The following LUZP2 variants were observed in gnomAD, a reference collection of about 807,000 sequenced individuals.
The protein encoded by LUZP2 is leucine zipper protein 2.
In LUZP2, 52 loss-of-function variants were observed where a neutral mutation model predicts 51.6. The ratio of observed to expected loss-of-function variants is 1.01; its 90% CI spans 0.81 to 1.27. LUZP2 has a LOEUF of 1.27. LUZP2 is among the 50% of genes most tolerant of loss of function. The pLI is 0.00. For synonymous variants in LUZP2, 154 were observed against 137.3 expected (o/e 1.12, Z -0.85); for missense variants, 436 against 395.4 (o/e 1.10, Z -0.87).
In LUZP2 at chr11:25,000,921, G is replaced by A. The variant is rs577628193; in HGVS notation, c.765+17628G>A. ...ACAGTCTGAGAAATCTTTTGAGAGT[G>A]TGTGGTAGTAGGATAATGAAGTAGA... On this transcript the variant is annotated intron_variant, in intron 9 of 11. Coordinates refer to ENST00000336930, the MANE Select transcript of LUZP2 (RefSeq NM_001009909.4). Among the ~76,000 whole-genome samples the A allele has an allele frequency of 8.8e-4, 133 of 151,018 alleles. 2 individuals carry two copies. Among genetic ancestry groups the A allele is most frequent in the African/African-American group, 3.1e-3 (130 of 41,424 alleles).
chr11:25,010,908 A>C (rs1426602196), intron 9 of LUZP2, among the ~76,000 whole-genome samples: 2 of 152,148 alleles, frequency 1.3e-5, no homozygotes, highest in Non-Finnish European at 2.9e-5. Flanking sequence ...GATTGAATGA[A>C]ATAATACATA....
intron 1 of LUZP2, among the ~76,000 whole-genome samples, chr11:24,644,503 T>C (rs374038045): frequency 3.3e-5 from 5 of 152,128 alleles, no homozygotes; most frequent in South Asian, 4.2e-4. Flanking sequence ...TTTTTTTTTT[T>C]CACAGCTACC....
intron 1 of LUZP2, among the ~76,000 whole-genome samples, chr11:24,715,263 A>ATGTGTGTGTGTGTGTG (rs58368050): frequency 0.011 from 1,442 of 133,822 alleles, 34 homozygotes; most frequent in East Asian, 0.036. Flanking sequence ...AGGAGCAACT[A>ATGTGTGTGTGTGTGTG]TGTGTGTGTG....
intron 7 of LUZP2, among the ~76,000 whole-genome samples, chr11:24,926,545 G>A (rs1455285886): frequency 1.4e-4 from 20 of 138,454 alleles, no homozygotes; most frequent in African/African-American, 3.9e-4. Context: ...ATATATATAC[G>A]TGTATATATA....
intron 1 of LUZP2, among the ~76,000 whole-genome samples, chr11:24,660,994 A>G (rs1047597594): frequency 2.0e-5 from 3 of 152,280 alleles, no homozygotes; most frequent in African/African-American, 7.2e-5. Flanking sequence ...TCTGCATGGA[A>G]GAGAGCCGTA....
At chr11:25,064,674 G>A (rs1035138883) in intron 10 of LUZP2, among the ~76,000 whole-genome samples, 5 of 151,780 alleles carry the variant, frequency 3.3e-5, no homozygotes, top group Non-Finnish European at 7.4e-5. Context: ...TGGCTGTTTT[G>A]GCTTAATATC....
At chr11:24,573,903 A>G (rs528328913) in intron 1 of LUZP2, among the ~76,000 whole-genome samples, 18 of 151,526 alleles carry the variant, frequency 1.2e-4, no homozygotes, top group Admixed American at 7.2e-4. Flanking sequence ...TTATACTTTA[A>G]GTTTTAGGGT....
At chr11:24,813,996 A>C (rs552515180) in intron 5 of LUZP2, among the ~76,000 whole-genome samples, 1 of 152,372 alleles carries the variant, frequency 6.6e-6, no homozygotes, top group African/African-American at 2.4e-5. Flanking sequence ...TGAGATTATT[A>C]ATGTTTGTAA....
intron 5 of LUZP2, among the ~76,000 whole-genome samples, chr11:24,766,961 C>T (rs867366339): frequency 3.1e-4 from 47 of 152,084 alleles, no homozygotes; most frequent in South Asian, 6.2e-4. Context: ...GGGGCATCAC[C>T]GTGTTGGCCA....
chr11:24,735,153 A>C (rs1858885000), intron 3 of LUZP2, among the ~76,000 whole-genome samples: 1 of 151,908 alleles, frequency 6.6e-6, no homozygotes, highest in South Asian at 2.1e-4. Flanking sequence ...GAGAAAGTAG[A>C]GTGTCTTTCT....
chr11:24,571,067 C>G (rs1852423920), intron 1 of LUZP2, among the ~76,000 whole-genome samples: 1 of 151,960 alleles, frequency 6.6e-6, no homozygotes, highest in African/African-American at 2.4e-5. Flanking sequence ...GACTACTATT[C>G]CACAAAAATA....
At chr11:25,005,023 T>C (rs1284340543) in intron 9 of LUZP2, among the ~76,000 whole-genome samples, 1 of 152,204 alleles carries the variant, frequency 6.6e-6, no homozygotes, top group Non-Finnish European at 1.5e-5. Flanking sequence ...TCTATGTACC[T>C]ATCAGGATCA....
chr11:24,744,051 C>T (rs1859284187), intron 4 of LUZP2, among the ~76,000 whole-genome samples: 1 of 152,030 alleles, frequency 6.6e-6, no homozygotes, highest in African/African-American at 2.4e-5. Flanking sequence ...ATCCCTGCAT[C>T]CCTGGTATAA....
intron 10 of LUZP2, among the ~76,000 whole-genome samples, chr11:25,059,452 C>T: frequency 6.6e-6 from 1 of 152,214 alleles, no homozygotes; most frequent in South Asian, 2.1e-4. Context: ...AGTCATCATG[C>T]CCTTTTGAAA....
At chr11:24,527,561 TCTCTCTCA>T (rs1456275907) in intron 1 of LUZP2, among the ~76,000 whole-genome samples, 2 of 122,560 alleles carry the variant, frequency 1.6e-5, no homozygotes, top group East Asian at 2.3e-4. Context: ...TCTCTCTCTC[TCTCTCTCA>T]CACACACACA....
intron 5 of LUZP2, among the ~76,000 whole-genome samples, chr11:24,844,724 C>T (rs1851145365): frequency 6.6e-6 from 1 of 152,096 alleles, no homozygotes; most frequent in African/African-American, 2.4e-5. Context: ...GACTTAGTGT[C>T]CTGTGTCCCA....
intron 1 of LUZP2, among the ~76,000 whole-genome samples, chr11:24,714,600 A>AC (rs1203597892): frequency 6.6e-6 from 1 of 152,082 alleles, no homozygotes; most frequent in East Asian, 1.9e-4. Context: ...GGCTGAATGC[A>AC]CCCCCCAACC....
intron 4 of LUZP2, among the ~76,000 whole-genome samples, chr11:24,745,306 T>C (rs1179493542): frequency 6.6e-6 from 1 of 152,152 alleles, no homozygotes; most frequent in Non-Finnish European, 1.5e-5. Context: ...CAGTGGAGTA[T>C]TGAAGTCCCC....
intron 4 of LUZP2, among the ~76,000 whole-genome samples, chr11:24,743,998 T>C (rs567445864): frequency 2.0e-5 from 3 of 152,146 alleles, no homozygotes; most frequent in Non-Finnish European, 4.4e-5. Context: ...TTTAATTCTG[T>C]TTATGTGGTG....
Sources: allele counts gnomAD v4.1 joint callset (sites outside exome capture counted in the v4.1 genomes callset), GRCh38; gene constraint gnomAD v4.1.1; transcripts MANE v1.5; gene names NCBI Gene and HGNC (gene_info 2026-07-23, HGNC 2026-07-21).